The following GALNTL6 variants were observed in gnomAD, a reference collection of about 807,000 sequenced individuals.
GALNTL6 encodes polypeptide N-acetylgalactosaminyltransferase-like 6.
Under a neutral mutation model 73.7 loss-of-function variants are expected in GALNTL6, and 46 were observed. The observed-to-expected ratio is 0.62, with a 90% CI of 0.49 to 0.80. The LOEUF is 0.80. Among genes scored for constraint, GALNTL6 ranks in the 30% least tolerant of loss-of-function variants. The probability of loss-of-function intolerance (pLI) is 0.00; values close to 1 mark genes in which losing one functional copy is unlikely to be tolerated. For synonymous variants in GALNTL6, 259 were observed against 263.7 expected (o/e 0.98, Z 0.17); for missense variants, 604 against 755.0 (o/e 0.80, Z 2.34).
intron 5 of GALNTL6, among the ~76,000 whole-genome samples, chr4:172,725,793 A>G (rs1038827548): frequency 6.6e-6 from 1 of 152,236 alleles, no homozygotes; most frequent in African/African-American, 2.4e-5. Context: ...TCATGCTTCT[A>G]TGATGTGCCA....
intron 10 of GALNTL6, among the ~76,000 whole-genome samples, chr4:173,002,050 A>G (rs1340539825): frequency 6.6e-6 from 1 of 152,218 alleles, no homozygotes; most frequent in East Asian, 1.9e-4. Context: ...AGGATGGGAA[A>G]GATATTTACA....
At chr4:172,838,855 G>A (rs181864214) in intron 7 of GALNTL6, among the ~76,000 whole-genome samples, 124 of 152,166 alleles carry the variant, frequency 8.1e-4, no homozygotes, top group African/African-American at 2.9e-3. Context: ...AGATAAATTC[G>A]CAGGTAATCA....
At chr4:172,792,048 T>G (rs1579488168) in intron 5 of GALNTL6, among the ~76,000 whole-genome samples, 1 of 152,334 alleles carries the variant, frequency 6.6e-6, no homozygotes, top group East Asian at 1.9e-4. Context: ...GGTTTGGCTG[T>G]TCCATGTGGG....
chr4:172,128,794 C>G (rs1372599515), intron 2 of GALNTL6, among the ~76,000 whole-genome samples: 1 of 152,164 alleles, frequency 6.6e-6, no homozygotes, highest in Non-Finnish European at 1.5e-5. Flanking sequence ...GGTTGTTTGA[C>G]TAGTGTCAAT....
At chr4:172,992,892 CT>C (rs2126459425) in intron 10 of GALNTL6, among the ~76,000 whole-genome samples, 1 of 152,152 alleles carries the variant, frequency 6.6e-6, no homozygotes, top group South Asian at 2.1e-4. Flanking sequence ...GATGTATTGT[CT>C]TTTTTTCAAA....
chr4:172,326,305 A>G (rs1470868004), intron 4 of GALNTL6, among the ~76,000 whole-genome samples: 2 of 151,990 alleles, frequency 1.3e-5, no homozygotes, highest in Admixed American at 1.3e-4. Flanking sequence ...AAATTCAAAT[A>G]ATATCTTACT....
At chr4:172,403,556 A>ATTT (rs1744114442) in intron 5 of GALNTL6, among the ~76,000 whole-genome samples, 1 of 152,070 alleles carries the variant, frequency 6.6e-6, no homozygotes, top group Non-Finnish European at 1.5e-5. Flanking sequence ...GTCTTAAATA[A>ATTT]CTAGATTTCA....
intron 9 of GALNTL6, among the ~76,000 whole-genome samples, chr4:172,941,575 G>C (rs534416771): frequency 6.6e-6 from 1 of 152,280 alleles, no homozygotes; most frequent in East Asian, 1.9e-4. Context: ...TTGTGGACTA[G>C]AGAGAATTTT....
At chr4:172,938,778 G>A (rs1748759198) in intron 9 of GALNTL6, among the ~76,000 whole-genome samples, 1 of 152,162 alleles carries the variant, frequency 6.6e-6, no homozygotes, top group African/African-American at 2.4e-5. Flanking sequence ...CCTATCATGG[G>A]TTTTCTCCCA....
chr4:172,431,821 A>G (rs967826414), intron 5 of GALNTL6, among the ~76,000 whole-genome samples: 1 of 152,140 alleles, frequency 6.6e-6, no homozygotes, highest in Non-Finnish European at 1.5e-5. Flanking sequence ...ATATTTATGC[A>G]CTTGAAAAAT....
intron 5 of GALNTL6, among the ~76,000 whole-genome samples, chr4:172,588,199 A>G (rs893789118): frequency 1.3e-5 from 2 of 152,162 alleles, no homozygotes; most frequent in Non-Finnish European, 2.9e-5. Flanking sequence ...AAGGAAGTTT[A>G]TGTGTATTGT....
chr4:172,862,629 G>A (rs1052313563), intron 7 of GALNTL6, among the ~76,000 whole-genome samples: 2 of 152,156 alleles, frequency 1.3e-5, no homozygotes, highest in African/African-American at 4.8e-5. Context: ...GAACCCTGGA[G>A]GTGGAGGTTG....
chr4:172,552,305 T>A (rs2110902459), intron 5 of GALNTL6, among the ~76,000 whole-genome samples: 1 of 152,290 alleles, frequency 6.6e-6, no homozygotes, highest in South Asian at 2.1e-4. Flanking sequence ...GTTTTGCATC[T>A]AAAATTATGT....
chr4:172,813,645 C>A lies in GALNTL6; in HGVS notation c.845C>A (p.Ala282Asp), dbSNP rs765730594. 2.5e-6 allele frequency: 4 copies of A among 1,613,408 alleles called. No homozygotes were observed. Among genetic ancestry groups the A allele is most frequent in the Admixed American group, 1.7e-5 (1 of 59,972 alleles). ...CAAGCTGGGGATGCCATGCGAGGAG[C>A]CTTCGACTGGGAAATGTACTACAAA... Reference protein sequence around the residue: ...EAQAGDAMRGAFDWEMYYKRI... With the variant: ...EAQAGDAMRGDFDWEMYYKRI... Residue 282 changes from alanine (A) to aspartate (D), a missense_variant, in exon 7 of 13, where the codon GCC becomes GAC. Transcript: ENST00000506823.
chr4:172,657,155 A>G (rs1731074866), intron 5 of GALNTL6, among the ~76,000 whole-genome samples: 1 of 152,194 alleles, frequency 6.6e-6, no homozygotes. Context: ...TAGTACTAAT[A>G]ATAGTCTTTC....
chr4:172,407,075 C>A (rs746182572), intron 5 of GALNTL6, among the ~76,000 whole-genome samples: 1 of 151,944 alleles, frequency 6.6e-6, no homozygotes, highest in Non-Finnish European at 1.5e-5. Context: ...TCTCTTACAG[C>A]AAAATTTATA....
chr4:171,821,564 G>A (rs941628719), intron 2 of GALNTL6, among the ~76,000 whole-genome samples: 1 of 151,700 alleles, frequency 6.6e-6, no homozygotes, highest in African/African-American at 2.4e-5. Flanking sequence ...AAATGCAGGT[G>A]ATGATACCTT....
At chr4:172,326,515 C>G (rs1352089289) in intron 4 of GALNTL6, among the ~76,000 whole-genome samples, 1 of 151,828 alleles carries the variant, frequency 6.6e-6, no homozygotes, top group Non-Finnish European at 1.5e-5. Flanking sequence ...CTAATAAAGT[C>G]AATTTGGCTT....
At chr4:172,528,963 A>ATATATATG (rs1350827830) in intron 5 of GALNTL6, among the ~76,000 whole-genome samples, 2 of 30,206 alleles carry the variant, frequency 6.6e-5, no homozygotes, top group Non-Finnish European at 1.7e-4. Context: ...ATATATATAT[A>ATATATATG]TGTGTGTGTA....
Sources: gnomAD v4.1 joint callset for allele counts (sites outside exome capture counted in the v4.1 genomes callset) on GRCh38, gnomAD v4.1.1 for gene constraint, MANE v1.5 for transcripts, NCBI Gene and HGNC (gene_info 2026-07-23, HGNC 2026-07-21) for gene names.